NKAIN2: variants seen among roughly 807,000 people sequenced by gnomAD.
The protein encoded by NKAIN2 is sodium/potassium-transporting ATPase subunit beta-1-interacting protein 2.
In NKAIN2, 14 loss-of-function variants were observed where a neutral mutation model predicts 32.6. The ratio of observed to expected loss-of-function variants is 0.43; its 90% confidence interval spans 0.28 to 0.67. The LOEUF (loss-of-function observed/expected upper bound fraction) is 0.67, where lower values mean the gene tolerates loss of function less well. NKAIN2 is among the 30% of genes least tolerant of loss of function. NKAIN2 has a pLI of 0.17. For synonymous variants in NKAIN2, 80 were observed against 87.2 expected, an observed-to-expected ratio of 0.92 and a Z score of 0.46; for missense variants, 198 against 258.3, an observed-to-expected ratio of 0.77 and a Z score of 1.60.
At chr6:124,584,485 C>G (rs1196713569) in intron 3 of NKAIN2, among the ~76,000 whole-genome samples, 1 of 151,976 alleles carries the variant, frequency 6.6e-6, no homozygotes, top group Non-Finnish European at 1.5e-5. Context: ...AACCCCATCT[C>G]TACTGAAAAT....
chr6:124,476,663 C>T (rs1001283566), intron 3 of NKAIN2, among the ~76,000 whole-genome samples: 1 of 152,086 alleles, frequency 6.6e-6, no homozygotes, highest in Non-Finnish European at 1.5e-5. Context: ...GGGAAATATA[C>T]CCCATGACAG....
In NKAIN2 at chr6:124,191,751, G is replaced by A. The variant is rs75241605; in HGVS notation, c.55-91254G>A. The stretch of plus-strand genomic sequence containing the variant: ...TTCCAGATGGCTTTACAAAGTTGAA[G>A]TGTGTCCTATCTACTCATTCCTAGT... On this transcript the variant is annotated intron_variant, in intron 1 of 6. Coordinates refer to ENST00000368417, the MANE Select transcript of NKAIN2 (RefSeq NM_001040214.3). Among the ~76,000 whole-genome samples the A allele has an allele frequency of 1.3e-3, 203 of 152,262 alleles. 2 individuals are homozygous for A. Among genetic ancestry groups the A allele is most frequent in the African/African-American group, 4.0e-3 (165 of 41,564 alleles).
At chr6:123,852,136 A>T (rs1440359157) in intron 1 of NKAIN2, among the ~76,000 whole-genome samples, 1 of 152,170 alleles carries the variant, frequency 6.6e-6, no homozygotes, top group Non-Finnish European at 1.5e-5. Context: ...GTCCAATGTT[A>T]TAAGGGTCCA....
chr6:124,523,150 A>AG (rs1029160213), intron 3 of NKAIN2, among the ~76,000 whole-genome samples: 1 of 27,736 alleles, frequency 3.6e-5, no homozygotes, highest in Non-Finnish European at 8.3e-4. Flanking sequence ...CTCAAAAAAA[A>AG]AAAAAGAAAA....
At chr6:124,001,131 G>A (rs1779860132) in intron 1 of NKAIN2, among the ~76,000 whole-genome samples, 1 of 152,010 alleles carries the variant, frequency 6.6e-6, no homozygotes, top group Non-Finnish European at 1.5e-5. Context: ...CCATCCAATG[G>A]TGCTGAGAAA....
intron 5 of NKAIN2, among the ~76,000 whole-genome samples, chr6:124,802,183 G>A (rs941375784): frequency 1.3e-5 from 2 of 152,124 alleles, no homozygotes; most frequent in Non-Finnish European, 2.9e-5. Flanking sequence ...ATTACAGCAC[G>A]CATGTTTTAT....
chr6:124,204,682 A>G (rs1299679873), intron 1 of NKAIN2, among the ~76,000 whole-genome samples: 3 of 151,892 alleles, frequency 2.0e-5, no homozygotes, highest in Admixed American at 1.3e-4. Flanking sequence ...GGCGTCTAAT[A>G]TGACTTTGAA....
intron 1 of NKAIN2, among the ~76,000 whole-genome samples, chr6:124,078,032 T>A (rs1783778730): frequency 6.6e-6 from 1 of 152,224 alleles, no homozygotes; most frequent in Non-Finnish European, 1.5e-5. Flanking sequence ...CAATGAATTG[T>A]ATTTTTGCCT....
chr6:124,563,089 A>G (rs1324599635), intron 3 of NKAIN2, among the ~76,000 whole-genome samples: 1 of 151,898 alleles, frequency 6.6e-6, no homozygotes, highest in Non-Finnish European at 1.5e-5. Flanking sequence ...TATTTTTAGT[A>G]GAGACGGGGT....
intron 1 of NKAIN2, among the ~76,000 whole-genome samples, chr6:123,929,790 T>A (rs1776172716): frequency 6.6e-6 from 1 of 152,040 alleles, no homozygotes; most frequent in South Asian, 2.1e-4. Flanking sequence ...GATTTCAGAT[T>A]TTTTTAGGGG....
At chr6:124,508,844 C>T (rs1778599835) in intron 3 of NKAIN2, among the ~76,000 whole-genome samples, 1 of 152,156 alleles carries the variant, frequency 6.6e-6, no homozygotes, top group Non-Finnish European at 1.5e-5. Context: ...TTCATCATCA[C>T]ATGACCATCT....
intron 3 of NKAIN2, among the ~76,000 whole-genome samples, chr6:124,476,049 AGAGAGAGAGAGAGAGAGTGT>A (rs1562208542): frequency 2.3e-3 from 246 of 105,136 alleles, no homozygotes; most frequent in African/African-American, 9.2e-3. Flanking sequence ...TGTGTGTGTG[AGAGAGAGAGAGAGAGAGTGT>A]GTGTGTGTGT....
intron 3 of NKAIN2, among the ~76,000 whole-genome samples, chr6:124,373,356 G>A (rs567355485): frequency 6.6e-6 from 1 of 152,190 alleles, no homozygotes; most frequent in East Asian, 1.9e-4. Flanking sequence ...AGTAGTATGT[G>A]TGCAGAATCC....
chr6:124,212,431 T>C (rs1164101528), intron 1 of NKAIN2, among the ~76,000 whole-genome samples: 1 of 152,042 alleles, frequency 6.6e-6, no homozygotes, highest in Non-Finnish European at 1.5e-5. Flanking sequence ...CAGATCTTAA[T>C]AATATTAGTT....
chr6:124,600,910 T>C (rs1782280140), intron 3 of NKAIN2, among the ~76,000 whole-genome samples: 1 of 152,060 alleles, frequency 6.6e-6, no homozygotes, highest in Admixed American at 6.6e-5. Flanking sequence ...CAAGAAGACT[T>C]ATCAGACAAA....
At chr6:124,283,356 A>G (rs1795392257) in intron 2 of NKAIN2, 1 of 355,390 alleles carries the variant, frequency 2.8e-6, no homozygotes, top group Non-Finnish European at 5.1e-6. Context: ...ATCAGACTGA[A>G]TTCTCATAAT....
At chr6:124,627,889 C>T (rs1451994542) in intron 3 of NKAIN2, among the ~76,000 whole-genome samples, 1 of 152,184 alleles carries the variant, frequency 6.6e-6, no homozygotes, top group Admixed American at 6.5e-5. Context: ...CAGGTTCACA[C>T]ACATTCACAT....
At position 124,438,781 on chromosome 6, in the gene NKAIN2, C is replaced by G. The variant is rs139236209; in HGVS notation, c.273+83434C>G. Among the ~76,000 whole-genome samples, 45 of 152,276 alleles carry G rather than the reference C, an allele frequency of 3.0e-4. 1 individual carries two copies. The East Asian group carries it at 8.5e-3, about 29-fold the overall frequency. On this transcript the variant is annotated intron_variant, in intron 3 of 6. Transcript: ENST00000368417. ...CTTGCTGTATCAGCATCATTCAACA[C>G]CAATTCTCACACCCTCTTTCTTGAA...
intron 3 of NKAIN2, among the ~76,000 whole-genome samples, chr6:124,443,123 C>A (rs572988133): frequency 4.5e-4 from 68 of 152,204 alleles, no homozygotes; most frequent in African/African-American, 1.6e-3. Flanking sequence ...GGAAGTGTTT[C>A]ATGATGTCAG....
Sources: allele counts gnomAD v4.1 joint callset (sites outside exome capture counted in the v4.1 genomes callset), GRCh38; gene constraint gnomAD v4.1.1; transcripts MANE v1.5; gene names NCBI Gene and HGNC (gene_info 2026-07-23, HGNC 2026-07-21).